Variants in STARD7 observed in about 807,000 individuals in gnomAD.
STARD7 encodes StAR related lipid transfer domain containing 7.
In STARD7, 30 loss-of-function variants were observed where a neutral mutation model predicts 45.3. The observed-to-expected ratio is 0.66, with a 90% CI of 0.50 to 0.90. STARD7 has a LOEUF of 0.90. Ranked by LOEUF, STARD7 falls within the 40% of genes least tolerant of loss-of-function variation. The pLI, the probability that STARD7 is intolerant of heterozygous loss-of-function variation, is 0.00. For missense variants in STARD7, 495 were observed against 491.3 expected, an observed-to-expected ratio of 1.01 and a Z score of -0.07; for synonymous variants, 199 against 183.0, an observed-to-expected ratio of 1.09 and a Z score of -0.70.
chr2:96,201,910 T>C (rs903591097), intron 1 of STARD7, among the ~76,000 whole-genome samples: 106 of 152,356 alleles, frequency 7.0e-4, no homozygotes, highest in African/African-American at 2.3e-3. Context: ...GTCTAAAGAT[T>C]TGTGTTCTAG....
At chr2:96,202,513 A>G (rs1043016870) in intron 1 of STARD7, among the ~76,000 whole-genome samples, 4 of 152,178 alleles carry the variant, frequency 2.6e-5, no homozygotes, top group Admixed American at 1.3e-4. Context: ...GTTGCAGAAG[A>G]AGAGCAAAAG....
rs1238226425 is a variant in STARD7 at position 96,187,243 on chromosome 2, T to C, written c.902A>G (p.Tyr301Cys). ...SDNPQTVFPR[Y>C]CVSWMVSSGM... ...ACTGGAAACCATCCAACTAACACAG[T>C]AGCGAGGAAACACCGTTTGGGGATT... Residue 301 changes from tyrosine to cysteine, a missense_variant, in exon 7 of 8, where the codon TAC becomes TGC. Physicochemically the swap from Tyr to Cys is radical, Grantham distance 194. Coordinates refer to ENST00000337288, the MANE Select transcript of STARD7 (RefSeq NM_020151.4). 2.5e-6 allele frequency: 4 copies of C among 1,613,636 alleles called. No homozygotes were observed. In the African/African-American group the frequency reaches 4.0e-5, roughly 16 times the overall value.
chr2:96,202,024 G>GA (rs1182785804), intron 1 of STARD7, among the ~76,000 whole-genome samples: 1 of 152,130 alleles, frequency 6.6e-6, no homozygotes, highest in African/African-American at 2.4e-5. Context: ...TGAATTTGCT[G>GA]AATTTTAAGC....
chr2:96,187,184 G>C, intron 7 of STARD7, 33 bp downstream of exon 7: 1 of 1,495,082 alleles, frequency 6.7e-7, no homozygotes, highest in African/African-American at 1.4e-5. Context: ...GCTCAACCCA[G>C]GTTCCAGGCC....
At chr2:96,197,136 C>T (rs1024778829) in intron 1 of STARD7, among the ~76,000 whole-genome samples, 9 of 126,908 alleles carry the variant, frequency 7.1e-5, no homozygotes, top group Admixed American at 5.1e-4. Context: ...CCAAGCACAA[C>T]GGCTCACGCC....
At chr2:96,206,691 C>T (rs571893032) in intron 1 of STARD7, among the ~76,000 whole-genome samples, 8 of 151,092 alleles carry the variant, frequency 5.3e-5, no homozygotes, top group Non-Finnish European at 1.2e-4. Context: ...GTCCCAGCTA[C>T]TCGGGAGGCT....
At chr2:96,201,605 G>A (rs1021984048) in intron 1 of STARD7, among the ~76,000 whole-genome samples, 9 of 150,008 alleles carry the variant, frequency 6.0e-5, no homozygotes, top group African/African-American at 2.2e-4. Flanking sequence ...AAATTGGCCA[G>A]GTGCAACGGC....
At chr2:96,189,640 G>T (rs1280151512) in intron 6 of STARD7, among the ~76,000 whole-genome samples, 1 of 150,870 alleles carries the variant, frequency 6.6e-6, no homozygotes, top group Non-Finnish European at 1.5e-5. Context: ...GGCAGGTGGA[G>T]GTTGCAAGTG....
At chr2:96,204,187 G>A (rs759533920) in intron 1 of STARD7, among the ~76,000 whole-genome samples, 4 of 152,174 alleles carry the variant, frequency 2.6e-5, no homozygotes, top group Non-Finnish European at 5.9e-5. Flanking sequence ...TGGAACCAGG[G>A]AGGCGGAGGC....
intron 6 of STARD7, 122 bp from the exon 7 acceptor site, chr2:96,187,423 C>T: frequency 1.5e-6 from 1 of 668,650 alleles, no homozygotes; most frequent in African/African-American, 1.8e-5. Context: ...TTTTTTCACC[C>T]TGTGCAGAAA....
At chr2:96,192,690 A>T (rs1683143160) in intron 5 of STARD7, among the ~76,000 whole-genome samples, 1 of 152,164 alleles carries the variant, frequency 6.6e-6, no homozygotes, top group Non-Finnish European at 1.5e-5. Context: ...GAAGCCAAGG[A>T]AGGAAGATCA....
intron 1 of STARD7, among the ~76,000 whole-genome samples, chr2:96,198,105 T>C (rs1683252901): frequency 6.6e-6 from 1 of 152,072 alleles, no homozygotes; most frequent in Non-Finnish European, 1.5e-5. Context: ...GGTGGATCAC[T>C]CTGAGGTTGA....
intron 1 of STARD7, 59 bp from the exon 2 acceptor site, chr2:96,195,608 T>G: frequency 7.3e-7 from 1 of 1,373,914 alleles, no homozygotes; most frequent in Non-Finnish European, 1.0e-6. Flanking sequence ...AAATGAAGTG[T>G]CCACACAAAG....
At chr2:96,197,538 CTTATTA>C (rs1230978586) in intron 1 of STARD7, among the ~76,000 whole-genome samples, 5 of 152,134 alleles carry the variant, frequency 3.3e-5, no homozygotes, top group Non-Finnish European at 7.4e-5. Flanking sequence ...ATTGGGTTGT[CTTATTA>C]TAAGTATGTA....
At chr2:96,198,222 C>T (rs1285857594) in intron 1 of STARD7, among the ~76,000 whole-genome samples, 1 of 151,694 alleles carries the variant, frequency 6.6e-6, no homozygotes, top group African/African-American at 2.4e-5. Context: ...ACTTGGGAGG[C>T]TGAGACAGGA....
At chr2:96,189,724 A>AAT (rs1683097094) in intron 6 of STARD7, among the ~76,000 whole-genome samples, 1 of 151,736 alleles carries the variant, frequency 6.6e-6, no homozygotes, top group South Asian at 2.1e-4. Flanking sequence ...AAAAAAAAAA[A>AAT]TCAATATTTT....
At position 96,186,853 on chromosome 2, in the gene STARD7, A is replaced by C; in HGVS notation, c.990T>G (p.Ile330Met). 6.2e-7 allele frequency: 1 copy of C among 1,613,880 alleles called. No homozygotes were observed. Among genetic ancestry groups the C allele is most frequent in the Non-Finnish European group, 8.5e-7 (1 of 1,179,822 alleles). ...MATLKAKNME[I>M]KVKDYISAKP... The stretch of plus-strand genomic sequence containing the variant: ...TAGCTGAGATGTAGTCCTTTACTTT[A>C]ATCTCCATATTCTTGGCTTTCAGAG... The change falls in exon 8 of 8, where the codon ATT becomes ATG. Residue 330 changes from isoleucine to methionine, a missense_variant. Transcript: ENST00000337288.
At chr2:96,206,319 AAC>A (rs1683388347) in intron 1 of STARD7, among the ~76,000 whole-genome samples, 1 of 152,108 alleles carries the variant, frequency 6.6e-6, no homozygotes, top group African/African-American at 2.4e-5. Flanking sequence ...CGTAAGCCCC[AAC>A]ACTATTCAAC....
chr2:96,206,332 T>C (rs1236023577), intron 1 of STARD7, among the ~76,000 whole-genome samples: 1 of 152,070 alleles, frequency 6.6e-6, no homozygotes, highest in African/African-American at 2.4e-5. Flanking sequence ...ACTATTCAAC[T>C]CCCACCCCCA....
Sources: allele counts gnomAD v4.1 joint callset (sites outside exome capture counted in the v4.1 genomes callset), GRCh38; gene constraint gnomAD v4.1.1; transcripts MANE v1.5; gene names NCBI Gene and HGNC (gene_info 2026-07-23, HGNC 2026-07-21).